Variants in FBXO11 observed in about 807,000 individuals in gnomAD.
The protein encoded by FBXO11 is F-box protein 11.
Under a neutral mutation model 117.0 loss-of-function variants are expected in FBXO11, and 13 were observed. The observed-to-expected ratio is 0.11, with a 90% CI of 0.07 to 0.18. FBXO11 has a LOEUF of 0.18. Among genes scored for constraint, FBXO11 ranks in the 10% least tolerant of loss-of-function variants. The pLI, the probability that FBXO11 is intolerant of heterozygous loss-of-function variation, is 1.00. For missense variants in FBXO11, 767 were observed against 1,164.4 expected, an observed-to-expected ratio of 0.66 and a Z score of 4.97; for synonymous variants, 490 against 380.5, an observed-to-expected ratio of 1.29 and a Z score of -3.35.
chr2:47,859,103 G>C (rs1053418340), intron 1 of FBXO11, among the ~76,000 whole-genome samples: 1 of 150,284 alleles, frequency 6.7e-6, no homozygotes, highest in Non-Finnish European at 1.5e-5. Context: ...TAAAATTAAA[G>C]GAATTCATAT....
intron 7 of FBXO11, among the ~76,000 whole-genome samples, chr2:47,834,074 G>C (rs1016341689): frequency 6.6e-6 from 1 of 152,190 alleles, no homozygotes; most frequent in Non-Finnish European, 1.5e-5. Context: ...ATACAGCCAG[G>C]CACAGTGGCT....
intron 1 of FBXO11, among the ~76,000 whole-genome samples, chr2:47,871,168 A>AC (rs1248503995): frequency 2.0e-5 from 3 of 152,204 alleles, no homozygotes; most frequent in Admixed American, 1.3e-4. Flanking sequence ...CACAGTAGCT[A>AC]CCTGCTTGCT....
chr2:47,808,299 G>C (rs1002679606), intron 22 of FBXO11, 30 bp downstream of exon 22: 1 of 1,612,252 alleles, frequency 6.2e-7, no homozygotes, highest in Non-Finnish European at 8.5e-7. Flanking sequence ...AAAGTAATTG[G>C]GTAATATATC....
At chr2:47,888,563 A>T in intron 1 of FBXO11, 1 of 437,170 alleles carries the variant, frequency 2.3e-6, no homozygotes, top group Non-Finnish European at 3.0e-6. Context: ...AATAGGAAAA[A>T]AATAGCTGAG....
intron 1 of FBXO11, among the ~76,000 whole-genome samples, chr2:47,884,592 A>C (rs1223185734): frequency 6.6e-6 from 1 of 152,214 alleles, no homozygotes; most frequent in East Asian, 1.9e-4. Flanking sequence ...GGAAAGTATG[A>C]TTATTAATTG....
intron 1 of FBXO11, among the ~76,000 whole-genome samples, chr2:47,868,308 G>A (rs866261743): frequency 2.7e-5 from 4 of 150,418 alleles, no homozygotes; most frequent in Admixed American, 6.6e-5. Context: ...AAAAAGCTGG[G>A]AATCAAGACT....
chr2:47,845,135 T>C (rs1367712507), intron 1 of FBXO11, among the ~76,000 whole-genome samples: 3 of 152,078 alleles, frequency 2.0e-5, no homozygotes, highest in African/African-American at 7.2e-5. Context: ...ACCTTATTAC[T>C]ACAGACACCC....
At chr2:47,883,386 T>C (rs559727554) in intron 1 of FBXO11, 28 of 290,290 alleles carry the variant, frequency 9.6e-5, no homozygotes, top group African/African-American at 4.4e-5. Flanking sequence ...GCCCTGTGCA[T>C]TGCCTTCTCC....
chr2:47,808,682 A>T, intron 21 of FBXO11: 3 of 379,962 alleles, frequency 7.9e-6, no homozygotes, highest in Non-Finnish European at 1.4e-5. Context: ...AGCCTCTCAA[A>T]TGTTTCTGGG....
At chr2:47,885,007 C>T (rs1468133690) in intron 1 of FBXO11, among the ~76,000 whole-genome samples, 1 of 151,990 alleles carries the variant, frequency 6.6e-6, no homozygotes, top group African/African-American at 2.4e-5. Context: ...AACTTCATTA[C>T]CAAACAGTAT....
chr2:47,864,415 C>T (rs796357315), intron 1 of FBXO11, among the ~76,000 whole-genome samples: 41 of 152,264 alleles, frequency 2.7e-4, no homozygotes, highest in African/African-American at 8.2e-4. Context: ...TGGCAAAACC[C>T]CATCTCTACT....
intron 1 of FBXO11, among the ~76,000 whole-genome samples, chr2:47,893,968 T>C (rs1381060911): frequency 6.6e-6 from 1 of 152,218 alleles, no homozygotes; most frequent in Non-Finnish European, 1.5e-5. Flanking sequence ...ACTGGTAGCA[T>C]TAACATTGGA....
At position 47,900,609 on chromosome 2, in the gene FBXO11, C is replaced by A. The variant is rs943689604; in HGVS notation, c.232+4880G>T. On this transcript the variant is annotated intron_variant, in intron 1 of 22. Transcript: ENST00000403359. The stretch of plus-strand genomic sequence containing the variant: ...ATATACGTATATACACACGTATACA[C>A]ACGTATATACACACGTATACACACA... Among the ~76,000 whole-genome samples, 5 of 91,114 alleles carry A rather than the reference C, an allele frequency of 5.5e-5. 1 individual carries two copies. The highest frequency in any genetic ancestry group is 1.8e-4 in the African/African-American group (4 of 21,962). The allele number at this position is 91,114 out of a possible 152,430, so 59.8% of individuals were successfully genotyped here. A position where few individuals can be genotyped will look rare whatever the true frequency, so the allele number is the denominator to read the frequency against.
intron 1 of FBXO11, among the ~76,000 whole-genome samples, chr2:47,848,188 A>G (rs776763249): frequency 6.6e-6 from 1 of 151,968 alleles, no homozygotes; most frequent in African/African-American, 2.4e-5. Flanking sequence ...CTTTCACTAA[A>G]CCTTTATCAG....
chr2:47,881,896 C>A (rs1676457267), intron 1 of FBXO11, among the ~76,000 whole-genome samples: 1 of 152,054 alleles, frequency 6.6e-6, no homozygotes, highest in African/African-American at 2.4e-5. Flanking sequence ...TACAGGTGTG[C>A]ACCACCATGC....
chr2:47,808,591 G>A, intron 21 of FBXO11, 164 bp from the exon 22 acceptor site: 1 of 529,452 alleles, frequency 1.9e-6, no homozygotes, highest in Non-Finnish European at 3.2e-6. Context: ...AATGGAGTAA[G>A]TGATTTTCCT....
chr2:47,865,526 C>T (rs74872801), intron 1 of FBXO11, among the ~76,000 whole-genome samples: 8,642 of 152,278 alleles, frequency 0.057, 263 homozygotes, highest in Non-Finnish European at 0.068. Context: ...TCCCTAATGT[C>T]ATAGTGGAGC....
chr2:47,839,810 T>C (rs1328111744), intron 1 of FBXO11, 41 bp from the exon 2 acceptor site: 1 of 1,567,766 alleles, frequency 6.4e-7, no homozygotes, highest in South Asian at 1.2e-5. Flanking sequence ...ATACCCTTTT[T>C]AAAAAAAGTT....
intron 12 of FBXO11, 140 bp downstream of exon 12, chr2:47,823,003 A>G (rs1423728031): frequency 3.4e-6 from 2 of 588,474 alleles, no homozygotes; most frequent in African/African-American, 1.9e-5. Context: ...ATTCAGATGC[A>G]CAGACTTTAA....
Sources: gnomAD v4.1 joint callset for allele counts (sites outside exome capture counted in the v4.1 genomes callset) on GRCh38, gnomAD v4.1.1 for gene constraint, MANE v1.5 for transcripts, NCBI Gene and HGNC (gene_info 2026-07-23, HGNC 2026-07-21) for gene names.